Variants in SGCB observed in about 807,000 individuals in gnomAD.
SGCB encodes beta-sarcoglycan.
SGCB carries 25 observed loss-of-function variants against 27.3 expected under a neutral mutation model. The ratio of observed to expected loss-of-function variants is 0.92; its 90% CI spans 0.67 to 1.28. The LOEUF (loss-of-function observed/expected upper bound fraction) is 1.28. SGCB is among the 50% of genes most tolerant of loss of function. The pLI, the probability that SGCB is intolerant of heterozygous loss-of-function variation, is 0.00. For missense variants in SGCB, 436 were observed against 402.1 expected (o/e 1.08, Z -0.72); for synonymous variants, 147 against 133.5 (o/e 1.10, Z -0.70).
chr4:52,036,251 G>A (rs1737389370), intron 1 of SGCB, among the ~76,000 whole-genome samples: 1 of 152,230 alleles, frequency 6.6e-6, no homozygotes, highest in South Asian at 2.1e-4. Context: ...GAGCTAAGAA[G>A]GTCACTCTAG....
chr4:52,031,700 G>C (rs1209042284), intron 2 of SGCB, among the ~76,000 whole-genome samples: 1 of 151,828 alleles, frequency 6.6e-6, no homozygotes, highest in Non-Finnish European at 1.5e-5. Flanking sequence ...CCATGGTTTA[G>C]GAGTTTTCAT....
rs778746008 is a variant in SGCB, at chr4:52,033,482, T to C, written c.192A>G (p.Leu64=). The C allele has an allele frequency of 1.9e-6, 3 of 1,613,886 alleles. No individual in the cohort carries two copies. The highest frequency in any genetic ancestry group is 2.5e-6 in the Non-Finnish European group (3 of 1,179,780). ...KTGLRGRKGN[L]AICVIILLFI... is the part of the protein sequence containing the mutation. Reference sequence around the variant, plus strand: ...ACAAGAGGATAATCACACAGATGGCTAAATTGCCCTTTCTTCCTCTCAACC... The same window carrying C: ...ACAAGAGGATAATCACACAGATGGCCAAATTGCCCTTTCTTCCTCTCAACC... Residue 64 remains leucine, a synonymous_variant, in exon 2 of 6, where the codon TTA becomes TTG. Coordinates refer to ENST00000381431, the MANE Select transcript of SGCB (RefSeq NM_000232.5).
intron 1 of SGCB, among the ~76,000 whole-genome samples, chr4:52,034,395 A>G (rs1737332447): frequency 6.9e-6 from 1 of 144,274 alleles, no homozygotes; most frequent in African/African-American, 2.5e-5. Context: ...TTGCATTTGT[A>G]CAGAACATGT....
At chr4:52,031,211 T>TC (rs1309223206) in intron 2 of SGCB, among the ~76,000 whole-genome samples, 8 of 152,174 alleles carry the variant, frequency 5.3e-5, no homozygotes, top group South Asian at 2.1e-4. Flanking sequence ...TTTGATCATT[T>TC]CCCCCCCAGT....
chr4:52,024,366 G>A (rs1737032328), intron 5 of SGCB, among the ~76,000 whole-genome samples: 1 of 152,116 alleles, frequency 6.6e-6, no homozygotes, highest in Admixed American at 6.6e-5. Context: ...CATAACATAT[G>A]TAAATAAATC....
intron 1 of SGCB, among the ~76,000 whole-genome samples, chr4:52,034,059 C>T (rs1737319477): frequency 1.3e-5 from 2 of 151,742 alleles, no homozygotes; most frequent in South Asian, 2.1e-4. Context: ...AGGCCAGGCG[C>T]GGTGGCTCAG....
At chr4:52,028,230 G>T in intron 4 of SGCB, 131 bp from the exon 5 acceptor site, 1 of 712,888 alleles carries the variant, frequency 1.4e-6, no homozygotes, top group Non-Finnish European at 2.4e-6. Context: ...TTTTAGAGAT[G>T]TGGAAATTGA....
rs1406288584 is a variant in SGCB, at chr4:52,022,231, T to C, written c.*1726A>G. ...GTAGTAAGTCAATCCAATTTCAGTA[T>C]AAATTAATGACTTCATAATCTCTAA... On this transcript the variant is annotated 3_prime_UTR_variant, in exon 6 of 6. Coordinates refer to ENST00000381431, the MANE Select transcript of SGCB (RefSeq NM_000232.5). 1 of 152,102 alleles carries C rather than the reference T, an allele frequency of 6.6e-6. No individual in the cohort carries two copies. Among genetic ancestry groups the C allele is most frequent in the Non-Finnish European group, 1.5e-5 (1 of 68,016 alleles). The allele number at this position is 152,102 out of a possible 1,614,324, so 9.4% of individuals were successfully genotyped here. A position where few individuals can be genotyped will look rare whatever the true frequency, so the allele number is the denominator to read the frequency against.
chr4:52,024,731 G>A (rs1472501275), intron 5 of SGCB, among the ~76,000 whole-genome samples: 1 of 150,492 alleles, frequency 6.6e-6, no homozygotes, highest in Non-Finnish European at 1.5e-5. Flanking sequence ...GGGAGGCTGA[G>A]GAAGGAGAAT....
chr4:52,032,657 TA>T (rs1332160129), intron 2 of SGCB, among the ~76,000 whole-genome samples: 2 of 152,142 alleles, frequency 1.3e-5, no homozygotes, highest in African/African-American at 2.4e-5. Flanking sequence ...TGGACATACA[TA>T]AATACAAAAA....
intron 4 of SGCB, 64 bp from the exon 5 acceptor site, chr4:52,028,163 G>T: frequency 7.6e-7 from 1 of 1,315,652 alleles, no homozygotes; most frequent in Non-Finnish European, 1.1e-6. Flanking sequence ...TGTTATCAGA[G>T]ATAGAGAAAT....
chr4:52,028,624 A>T, intron 4 of SGCB, 106 bp downstream of exon 4: 1 of 897,390 alleles, frequency 1.1e-6, no homozygotes, highest in Non-Finnish European at 1.8e-6. Flanking sequence ...CGACAGAGCG[A>T]AACTCCGTCT....
chr4:52,023,491 G>C lies in SGCB; in HGVS notation c.*466C>G, dbSNP rs377083884. On this transcript the variant is annotated 3_prime_UTR_variant, in exon 6 of 6. Transcript: ENST00000381431. ...GACTTCACTTGCATGTGAGAATATG[G>C]CTCAGGCTTAATGCACTAGAAATCT... 6.3e-6 allele frequency: 1 copy of C among 158,650 alleles called. No homozygotes were observed. Among genetic ancestry groups the C allele is most frequent in the Non-Finnish European group, 1.4e-5 (1 of 71,600 alleles). 9.8% of individuals were successfully genotyped at this position (158,650 alleles called of 1,614,324 possible).
chr4:52,033,569 C>T lies in SGCB; in HGVS notation c.105G>A (p.Glu35=), dbSNP rs1214745536. Residue 35 remains glutamate (E), a synonymous_variant, in exon 2 of 6, where the codon GAG becomes GAA. Coordinates refer to ENST00000381431, the MANE Select transcript of SGCB (RefSeq NM_000232.5). ...KAVERRSVNK[E]HNSNFKAGYI... ...ATCCAGCTTTAAAGTTACTGTTGTG[C>T]TCTTTATTGACACTCCTTCTCTCAA... 8.7e-6 allele frequency: 14 copies of T among 1,613,542 alleles called. No homozygotes were observed. Among genetic ancestry groups the T allele is most frequent in the Non-Finnish European group, 1.2e-5 (14 of 1,179,610 alleles).
At chr4:52,026,695 AT>A (rs1003819306) in intron 5 of SGCB, among the ~76,000 whole-genome samples, 3 of 152,202 alleles carry the variant, frequency 2.0e-5, no homozygotes, top group African/African-American at 7.2e-5. Context: ...ATACTAGGTT[AT>A]TTTCCTTTAA....
At chr4:52,037,808 G>C (rs1050083947) in intron 1 of SGCB, among the ~76,000 whole-genome samples, 8 of 152,172 alleles carry the variant, frequency 5.3e-5, no homozygotes, top group Non-Finnish European at 1.0e-4. Context: ...GCTGACACCG[G>C]GGCAACAGCT....
Position 52,024,096 on chromosome 4 carries a change from C to G in SGCB, c.818G>C (p.Ser273Thr). The change falls in exon 6 of 6, where the codon AGT becomes ACT. Residue 273 changes from serine to threonine, a missense_variant. Physicochemically the swap from Ser to Thr is moderately conservative, Grantham distance 58. Coordinates refer to ENST00000381431, the MANE Select transcript of SGCB (RefSeq NM_000232.5). ...VSTTRLPSSS[S>T]GDQLGSGDWV... Reference sequence around the variant, plus strand: ...GTCACCACTACCCAACTGGTCTCCACTGGAGGAACTGGGTAGGCGGGTGGT... The same window carrying G: ...GTCACCACTACCCAACTGGTCTCCAGTGGAGGAACTGGGTAGGCGGGTGGT... 2 of 1,614,172 alleles carry G rather than the reference C, an allele frequency of 1.2e-6. No homozygotes were observed. The highest frequency in any genetic ancestry group is 1.7e-6 in the Non-Finnish European group (2 of 1,180,000).
chr4:52,030,408 A>G (rs1487663650), intron 2 of SGCB, among the ~76,000 whole-genome samples: 2 of 152,152 alleles, frequency 1.3e-5, no homozygotes, highest in Non-Finnish European at 2.9e-5. Flanking sequence ...CAGTATTACA[A>G]CCATATAAAT....
rs889952378 is a variant in SGCB at position 52,023,847 on chromosome 4, T to C, written c.*110A>G. 2.4e-6 allele frequency: 2 copies of C among 836,144 alleles called. No individual in the cohort carries two copies. Among genetic ancestry groups the C allele is most frequent in the Middle Eastern group, 3.4e-4 (1 of 2,944 alleles). 51.8% of individuals were successfully genotyped at this position (836,144 alleles called of 1,614,324 possible). A position where few individuals can be genotyped will look rare whatever the true frequency, so the allele number is the denominator to read the frequency against. The stretch of plus-strand genomic sequence containing the variant: ...GACCATAAAACAGATACAGCAGTGC[T>C]CTGCCATTAAAATAATTATGAGTTA... On this transcript the variant is annotated 3_prime_UTR_variant, in exon 6 of 6. Transcript: ENST00000381431.
Sources: gnomAD v4.1 joint callset for allele counts (sites outside exome capture counted in the v4.1 genomes callset) on GRCh38, gnomAD v4.1.1 for gene constraint, MANE v1.5 for transcripts, NCBI Gene and HGNC (gene_info 2026-07-23, HGNC 2026-07-21) for gene names.